RSF1: variants seen among roughly 807,000 people sequenced by gnomAD.
RSF1 encodes the protein remodeling and spacing factor 1.
A neutral mutation model predicts 145.2 loss-of-function variants in RSF1; 13 were observed. That is an observed-to-expected ratio of 0.09 (90% confidence interval 0.06 to 0.14). RSF1 has a LOEUF of 0.14. Ranked by LOEUF, RSF1 falls within the 10% of genes least tolerant of loss-of-function variation. The probability of loss-of-function intolerance (pLI) is 1.00; values close to 1 mark genes in which losing one functional copy is unlikely to be tolerated. For missense variants in RSF1, 1,517 were observed against 1,718.2 expected, an observed-to-expected ratio of 0.88 and a Z score of 2.07; for synonymous variants, 577 against 592.6, an observed-to-expected ratio of 0.97 and a Z score of 0.38.
intron 1 of RSF1, among the ~76,000 whole-genome samples, chr11:77,776,658 T>C (rs953917743): frequency 6.6e-6 from 1 of 152,202 alleles, no homozygotes; most frequent in African/African-American, 2.4e-5. Context: ...TGATCATGTC[T>C]TACTTAAAGA....
At chr11:77,787,833 T>TAAAAAAAAAAAAAAAAAAAAAAAA (rs57568918) in intron 1 of RSF1, among the ~76,000 whole-genome samples, 1 of 129,494 alleles carries the variant, frequency 7.7e-6, no homozygotes. Flanking sequence ...TTCAGAACAG[T>TAAAAAAAAAAAAAAAAAAAAAAAA]AAAAAAAAAA....
intron 1 of RSF1, 36 bp downstream of exon 1, chr11:77,820,492 G>A: frequency 6.5e-7 from 1 of 1,541,358 alleles, no homozygotes; most frequent in South Asian, 1.2e-5. Flanking sequence ...GAGCGCCAGG[G>A]CCGCTTCCCG....
At chr11:77,692,829 C>T (rs1237895025) in intron 8 of RSF1, among the ~76,000 whole-genome samples, 1 of 151,952 alleles carries the variant, frequency 6.6e-6, no homozygotes, top group Admixed American at 6.6e-5. Context: ...AGGCGTGTGC[C>T]ACCACGCCCA....
rs182127855 is a variant in RSF1 at position 77,708,136 on chromosome 11, T to C, written c.734-5641A>G. ...GATCTGCACTTCAGAAAAGGTACTC[T>C]TGGCCAGGCATGTTGGCTCACGCCT... On this transcript the variant is annotated intron_variant, in intron 5 of 15. Coordinates refer to ENST00000308488, the MANE Select transcript of RSF1 (RefSeq NM_016578.4). Among the ~76,000 whole-genome samples the C allele has an allele frequency of 3.9e-5, 6 of 152,340 alleles. No individual in the cohort carries two copies. The East Asian group carries it at 1.2e-3, about 29-fold the overall frequency.
chr11:77,705,631 G>A (rs998741755), intron 5 of RSF1, among the ~76,000 whole-genome samples: 3 of 152,156 alleles, frequency 2.0e-5, no homozygotes, highest in African/African-American at 7.2e-5. Flanking sequence ...ATCCAGTTAT[G>A]ACCAATGACA....
chr11:77,750,871 T>G (rs1948055597), intron 2 of RSF1, among the ~76,000 whole-genome samples: 1 of 152,198 alleles, frequency 6.6e-6, no homozygotes. Context: ...TAAATCTAGC[T>G]GATAGGTCAG....
chr11:77,724,456 G>A (rs1961006097), intron 5 of RSF1, among the ~76,000 whole-genome samples: 1 of 152,164 alleles, frequency 6.6e-6, no homozygotes. Flanking sequence ...CGTCCAAAAG[G>A]TGGAAGAAAT....
chr11:77,783,422 G>T (rs767045086), intron 1 of RSF1, among the ~76,000 whole-genome samples: 11 of 152,156 alleles, frequency 7.2e-5, no homozygotes, highest in Admixed American at 2.6e-4. Context: ...AGTGCAAGTG[G>T]CTAGCTCATA....
At chr11:77,842,581 T>C in the RSF1 span, 1 of 1,614,072 alleles carries the variant, frequency 6.2e-7, no homozygotes, top group Non-Finnish European at 8.5e-7. Flanking sequence ...CTGCAAAGTA[T>C]GGCCAGGGGG....
At chr11:77,789,716 C>T (rs998961014) in intron 1 of RSF1, among the ~76,000 whole-genome samples, 14 of 152,274 alleles carry the variant, frequency 9.2e-5, no homozygotes, top group South Asian at 2.1e-4. Flanking sequence ...GGGAATGCCC[C>T]GCACCTGCCC....
At chr11:77,838,027 C>G in the RSF1 span, among the ~76,000 whole-genome samples, 1 of 152,164 alleles carries the variant, frequency 6.6e-6, no homozygotes, top group African/African-American at 2.4e-5. Context: ...GAGCTAAGAT[C>G]ACACTACTGC....
chr11:77,677,343 T>A (rs1230109164), intron 12 of RSF1, among the ~76,000 whole-genome samples: 4 of 152,118 alleles, frequency 2.6e-5, no homozygotes, highest in Non-Finnish European at 4.4e-5. Flanking sequence ...CTCCAGAACA[T>A]TTTCATCACC....
intron 7 of RSF1, among the ~76,000 whole-genome samples, chr11:77,694,788 T>C (rs1590834436): frequency 6.6e-6 from 1 of 152,350 alleles, no homozygotes; most frequent in Middle Eastern, 3.4e-3. Flanking sequence ...TATGTTTTGT[T>C]AGTATCCCCA....
Position 77,683,829 on chromosome 11 carries a change from TATG to T in RSF1, c.2956-13_2956-11del, listed in dbSNP as rs1959932067. Reference sequence around the variant, plus strand: ...CAGAAAAGTCTGGCTCCTTAAAAAATATGATAATAAGCATAGAGGTTATTCCTT... The same window carrying T: ...CAGAAAAGTCTGGCTCCTTAAAAAATATAATAAGCATAGAGGTTATTCCTT... On this transcript the variant is annotated splice_polypyrimidine_tract_variant and intron_variant, in intron 10 of 15. Transcript: ENST00000308488. 1.3e-6 allele frequency: 2 copies of T among 1,589,312 alleles called. No individual in the cohort carries two copies. Among genetic ancestry groups the T allele is most frequent in the South Asian group, 1.1e-5 (1 of 90,496 alleles).
At chr11:77,866,934 G>A in the RSF1 span, among the ~76,000 whole-genome samples, 3 of 151,736 alleles carry the variant, frequency 2.0e-5, no homozygotes, top group African/African-American at 7.3e-5. Flanking sequence ...TCCACTTCCT[G>A]GGTTCAAGTG....
chr11:77,810,076 T>TA (rs1237351130), intron 1 of RSF1, among the ~76,000 whole-genome samples: 1 of 152,240 alleles, frequency 6.6e-6, no homozygotes, highest in African/African-American at 2.4e-5. Context: ...AGTAAGCTAT[T>TA]ATCTAGTACA....
intron 1 of RSF1, among the ~76,000 whole-genome samples, chr11:77,802,908 C>T (rs1218589674): frequency 2.6e-5 from 4 of 152,068 alleles, no homozygotes; most frequent in African/African-American, 4.8e-5. Context: ...TGATATATAG[C>T]GCCTCTCCAG....
rs377572412 is a variant in RSF1 at position 77,773,868 on chromosome 11, C to T, written c.188-9179G>A. On this transcript the variant is annotated intron_variant, in intron 1 of 15. Coordinates refer to ENST00000308488, the MANE Select transcript of RSF1 (RefSeq NM_016578.4). ...GCTAAAAAAGTGTTTTAAATTTATC[C>T]CAAATGCTGATAATTAAGAGAAAAC... 5.0e-3 allele frequency among the ~76,000 whole-genome samples: 753 copies of T among 152,040 alleles called. 9 individuals carry two copies. The highest frequency in any genetic ancestry group is 0.017 in the African/African-American group (708 of 41,460).
At chr11:77,726,741 A>G (rs1245006638) in intron 4 of RSF1, among the ~76,000 whole-genome samples, 1 of 152,110 alleles carries the variant, frequency 6.6e-6, no homozygotes, top group Non-Finnish European at 1.5e-5. Context: ...CAAAGTGAAA[A>G]CTGTTAAGAT....
Sources: allele counts gnomAD v4.1 joint callset (sites outside exome capture counted in the v4.1 genomes callset), GRCh38; gene constraint gnomAD v4.1.1; transcripts MANE v1.5; gene names NCBI Gene and HGNC (gene_info 2026-07-23, HGNC 2026-07-21).